The following CELF2 variants were observed in gnomAD, a reference collection of about 807,000 sequenced individuals.
The protein encoded by CELF2 is CUG triplet repeat RNA-binding protein 2.
CELF2 carries 8 observed loss-of-function variants against 62.6 expected under a neutral mutation model. The ratio of observed to expected loss-of-function variants is 0.13; its 90% CI spans 0.07 to 0.23. CELF2 has a LOEUF of 0.23. Ranked by LOEUF, CELF2 falls within the 10% of genes least tolerant of loss-of-function variation. The probability of loss-of-function intolerance (pLI) is 1.00; values close to 1 mark genes in which losing one functional copy is unlikely to be tolerated. For missense variants in CELF2, 333 were observed against 671.0 expected (o/e 0.50, Z 5.56); for synonymous variants, 258 against 250.0 (o/e 1.03, Z -0.30).
chr10:11,045,607 A>C (rs1382142754), intron 1 of CELF2, among the ~76,000 whole-genome samples: 1 of 152,220 alleles, frequency 6.6e-6, no homozygotes. Flanking sequence ...TTTGAACACC[A>C]TGTGTGATGA....
At chr10:10,989,739 GA>G in intron 2 of CELF2, among the ~76,000 whole-genome samples, 1 of 152,010 alleles carries the variant, frequency 6.6e-6, no homozygotes, top group South Asian at 2.1e-4. Context: ...TGATTTGTGG[GA>G]AAAAATCTTT....
At chr10:11,257,967 G>A in intron 5 of CELF2, 95 bp downstream of exon 5, 1 of 1,437,338 alleles carries the variant, frequency 7.0e-7, no homozygotes, top group Non-Finnish European at 9.6e-7. Flanking sequence ...ACGGCAAGAG[G>A]TCACCCTGTA....
chr10:10,691,172 A>C, the CELF2 span, among the ~76,000 whole-genome samples: 1 of 151,080 alleles, frequency 6.6e-6, no homozygotes. Context: ...CCACCCCACA[A>C]CAGTCCCCAG....
chr10:10,561,983 G>A, the CELF2 span, among the ~76,000 whole-genome samples: 1 of 152,164 alleles, frequency 6.6e-6, no homozygotes, highest in Non-Finnish European at 1.5e-5. Context: ...TGCGATACCA[G>A]GATTAAATTC....
the CELF2 span, among the ~76,000 whole-genome samples, chr10:10,463,617 A>C: frequency 1.3e-5 from 2 of 152,164 alleles, no homozygotes; most frequent in Admixed American, 1.3e-4. Flanking sequence ...ATGTCATTTG[A>C]AAATATATCC....
the CELF2 span, among the ~76,000 whole-genome samples, chr10:10,579,666 C>T: frequency 5.3e-5 from 8 of 151,970 alleles, no homozygotes; most frequent in African/African-American, 1.2e-4. Flanking sequence ...AATGTTACCC[C>T]GGAATAGTAA....
the CELF2 span, among the ~76,000 whole-genome samples, chr10:10,662,743 G>C: frequency 6.6e-6 from 1 of 152,156 alleles, no homozygotes; most frequent in African/African-American, 2.4e-5. Context: ...GGAGAAATAG[G>C]CAAGAGCCTT....
intron 2 of CELF2, among the ~76,000 whole-genome samples, chr10:10,929,888 G>A (rs1711662296): frequency 6.6e-6 from 1 of 152,192 alleles, no homozygotes; most frequent in South Asian, 2.1e-4. Context: ...AGTTATTGCT[G>A]ATGATTCAAA....
At chr10:10,787,226 TCA>T in the CELF2 span, among the ~76,000 whole-genome samples, 11 of 143,734 alleles carry the variant, frequency 7.7e-5, no homozygotes, top group Middle Eastern at 5.1e-3. Context: ...AGGTTTGATG[TCA>T]CACACACACA....
the CELF2 span, among the ~76,000 whole-genome samples, chr10:10,745,231 C>T: frequency 6.6e-6 from 1 of 152,070 alleles, no homozygotes; most frequent in African/African-American, 2.4e-5. Flanking sequence ...CATCATCACT[C>T]GGCAAGCAAG....
At chr10:10,574,166 G>A in the CELF2 span, among the ~76,000 whole-genome samples, 4 of 152,128 alleles carry the variant, frequency 2.6e-5, no homozygotes, top group African/African-American at 4.8e-5. Flanking sequence ...TGGGAATCAT[G>A]GGAAATAAAG....
At chr10:10,581,318 G>C in the CELF2 span, among the ~76,000 whole-genome samples, 13 of 152,156 alleles carry the variant, frequency 8.5e-5, no homozygotes, top group African/African-American at 3.1e-4. Context: ...GAGTCAAGGA[G>C]CAATCTATGA....
At chr10:10,923,959 G>A (rs911207226) in intron 2 of CELF2, 2 of 152,020 alleles carry the variant, frequency 1.3e-5, no homozygotes, top group Non-Finnish European at 1.5e-5. Context: ...TTCAAGATCT[G>A]GTTTTTAGGA....
intron 2 of CELF2, among the ~76,000 whole-genome samples, chr10:10,926,645 G>A (rs977895478): frequency 4.6e-5 from 7 of 152,158 alleles, no homozygotes; most frequent in Non-Finnish European, 8.8e-5. Flanking sequence ...CTTCTTCCAT[G>A]GGACTGTTTT....
At chr10:10,921,673 C>T (rs187912818) in intron 2 of CELF2, among the ~76,000 whole-genome samples, 9 of 152,188 alleles carry the variant, frequency 5.9e-5, no homozygotes, top group African/African-American at 2.2e-4. Context: ...CAAGAGGGCA[C>T]GGGATCCAGG....
intron 1 of CELF2, among the ~76,000 whole-genome samples, chr10:11,082,970 C>T (rs1177414367): frequency 6.6e-6 from 1 of 152,172 alleles, no homozygotes; most frequent in African/African-American, 2.4e-5. Flanking sequence ...TATCTCTAAG[C>T]TGAATAAATA....
In CELF2 at chr10:11,243,223, C is replaced by T. The variant is rs957011723; in HGVS notation, c.355-5930C>T. On this transcript the variant is annotated intron_variant, in intron 3 of 12. Coordinates refer to ENST00000633077, the MANE Select transcript of CELF2 (RefSeq NM_001326342.2). This position sits in a 1 kb window ranked among gnomAD's most constrained non-coding sequence, Gnocchi z 4.1. ...GCGCTTGACTCTAGTTCCTTCTCCCCGGGAGGGAGAAAGGGAAGGAGCCTT... is the reference window on the plus strand; with the variant it reads ...GCGCTTGACTCTAGTTCCTTCTCCCTGGGAGGGAGAAAGGGAAGGAGCCTT... Among the ~76,000 whole-genome samples the T allele has an allele frequency of 3.9e-5, 6 of 151,946 alleles. No homozygotes were observed. The highest frequency in any genetic ancestry group is 1.3e-4 in the Admixed American group (2 of 15,258).
At chr10:11,023,159 A>C (rs757802060) in intron 1 of CELF2, among the ~76,000 whole-genome samples, 2 of 152,152 alleles carry the variant, frequency 1.3e-5, no homozygotes, top group Non-Finnish European at 1.5e-5. Context: ...TTGTCAGTGT[A>C]ATGTTTGTTT....
chr10:11,066,124 T>C (rs2068087451), intron 1 of CELF2, among the ~76,000 whole-genome samples: 1 of 152,172 alleles, frequency 6.6e-6, no homozygotes, highest in Admixed American at 6.5e-5. Context: ...CACAGGGCCT[T>C]GTCAGCAGTT....
Sources: gnomAD v4.1 joint callset for allele counts (sites outside exome capture counted in the v4.1 genomes callset) on GRCh38, gnomAD v4.1.1 for gene constraint, Gnocchi (gnomAD v3.1) non-coding constraint, MANE v1.5 for transcripts, NCBI Gene and HGNC (gene_info 2026-07-23, HGNC 2026-07-21) for gene names.